LRMDA: variants seen among roughly 807,000 people sequenced by gnomAD.
LRMDA encodes leucine-rich melanocyte differentiation-associated protein.
LRMDA carries 18 observed loss-of-function variants against 29.8 expected under a neutral mutation model. The ratio of observed to expected loss-of-function variants is 0.60; its 90% confidence interval spans 0.42 to 0.90. The LOEUF is 0.90. Among genes scored for constraint, LRMDA ranks in the 40% least tolerant of loss-of-function variants. LRMDA has a pLI of 0.00. For missense variants in LRMDA, 273 were observed against 273.9 expected (o/e 1.00, Z 0.02); for synonymous variants, 125 against 109.4 (o/e 1.14, Z -0.89).
intron 5 of LRMDA, among the ~76,000 whole-genome samples, chr10:76,162,107 A>C (rs1333842833): frequency 6.6e-6 from 1 of 152,180 alleles, no homozygotes; most frequent in Non-Finnish European, 1.5e-5. Flanking sequence ...TCAATCCTGC[A>C]AGTGTTATTT....
chr10:76,019,976 C>T (rs1029201371), intron 2 of LRMDA, among the ~76,000 whole-genome samples: 1 of 152,216 alleles, frequency 6.6e-6, no homozygotes, highest in Non-Finnish European at 1.5e-5. Context: ...TTTACACAGT[C>T]TGATGTGGTC....
In LRMDA at chr10:76,540,178, A is replaced by G. The variant is rs560138665; in HGVS notation, c.602-17031A>G. Among the ~76,000 whole-genome samples the G allele has an allele frequency of 1.2e-3, 176 of 150,776 alleles. 5 individuals are homozygous for G. In the South Asian group the frequency reaches 0.035, roughly 30 times the overall value. On this transcript the variant is annotated intron_variant, in intron 6 of 6. Coordinates refer to ENST00000611255, the MANE Select transcript of LRMDA (RefSeq NM_001305581.2). ...AACACACATGCACGCAAAACATGCA[A>G]CACACATTAGTGCCTGCACACATGT...
chr10:76,313,281 G>A (rs1447190334), intron 5 of LRMDA, among the ~76,000 whole-genome samples: 1 of 152,160 alleles, frequency 6.6e-6, no homozygotes, highest in East Asian at 1.9e-4. Flanking sequence ...AGTGTTTAAC[G>A]CAGTTCTCGA....
intron 2 of LRMDA, among the ~76,000 whole-genome samples, chr10:75,802,970 A>ATTTTTTTTTTT (rs1554826738): frequency 7.8e-6 from 1 of 128,234 alleles, no homozygotes; most frequent in African/African-American, 3.2e-5. Flanking sequence ...ATATATATAT[A>ATTTTTTTTTTT]TATTTTTTTT....
intron 2 of LRMDA, among the ~76,000 whole-genome samples, chr10:75,769,022 G>A (rs1411123122): frequency 6.6e-6 from 1 of 152,188 alleles, no homozygotes; most frequent in Admixed American, 6.5e-5. Flanking sequence ...ATGGGAGCTG[G>A]AACCCATCAG....
chr10:75,441,317 C>T (rs1285283625), intron 2 of LRMDA, among the ~76,000 whole-genome samples: 2 of 152,230 alleles, frequency 1.3e-5, no homozygotes, highest in Non-Finnish European at 2.9e-5. Flanking sequence ...ACCCGGCACA[C>T]CGCAGCTCCC....
At chr10:76,549,101 C>T (rs1026081107) in intron 6 of LRMDA, among the ~76,000 whole-genome samples, 2 of 152,122 alleles carry the variant, frequency 1.3e-5, no homozygotes, top group South Asian at 2.1e-4. Context: ...CTTTCCTTCC[C>T]CACCTCCCCT....
chr10:76,376,199 A>G (rs2132464769), intron 6 of LRMDA, among the ~76,000 whole-genome samples: 1 of 152,200 alleles, frequency 6.6e-6, no homozygotes, highest in South Asian at 2.1e-4. Flanking sequence ...CATTTTGTAT[A>G]TCTATGCGTA....
At chr10:76,104,571 C>T (rs2132106238) in intron 5 of LRMDA, among the ~76,000 whole-genome samples, 1 of 152,150 alleles carries the variant, frequency 6.6e-6, no homozygotes, top group African/African-American at 2.4e-5. Context: ...CTGGGTCTCA[C>T]CGTGTGTCTT....
At chr10:75,696,033 A>T (rs1208982642) in intron 2 of LRMDA, among the ~76,000 whole-genome samples, 1 of 152,216 alleles carries the variant, frequency 6.6e-6, no homozygotes, top group African/African-American at 2.4e-5. Context: ...ACAAAAAGAT[A>T]AGATTAAAAA....
At chr10:76,523,400 T>G (rs2132364336) in intron 6 of LRMDA, among the ~76,000 whole-genome samples, 1 of 152,268 alleles carries the variant, frequency 6.6e-6, no homozygotes, top group South Asian at 2.1e-4. Context: ...GGCTTACCTC[T>G]TCCCTCAGGA....
At chr10:76,221,228 C>G (rs372489677) in intron 5 of LRMDA, among the ~76,000 whole-genome samples, 2 of 152,240 alleles carry the variant, frequency 1.3e-5, no homozygotes, top group East Asian at 1.9e-4. Flanking sequence ...GGGATGCCCT[C>G]TCTCACCACT....
intron 6 of LRMDA, among the ~76,000 whole-genome samples, chr10:76,383,179 C>T (rs7071892): frequency 0.29 from 44,628 of 151,988 alleles, 9,973 homozygotes; most frequent in African/African-American, 0.62. Context: ...CTGAAGACAG[C>T]GGGCATTACT....
intron 5 of LRMDA, among the ~76,000 whole-genome samples, chr10:76,080,193 G>A (rs1849026719): frequency 6.6e-6 from 1 of 152,092 alleles, no homozygotes; most frequent in Non-Finnish European, 1.5e-5. Context: ...GCCCAACTCA[G>A]ATTCTGTCCT....
At position 76,048,181 on chromosome 10, in the gene LRMDA, T is replaced by G. The variant is rs141290642; in HGVS notation, c.398+878T>G. Reference sequence around the variant, plus strand: ...TAAAAATAACTTAATAAATTTTGTATATGTATATATGCATATATACATATA... The same window carrying G: ...TAAAAATAACTTAATAAATTTTGTAGATGTATATATGCATATATACATATA... On this transcript the variant is annotated intron_variant, in intron 4 of 6. Coordinates refer to ENST00000611255, the MANE Select transcript of LRMDA (RefSeq NM_001305581.2). 8.8e-3 allele frequency among the ~76,000 whole-genome samples: 1,340 copies of G among 152,332 alleles called. 21 individuals carry two copies. Among genetic ancestry groups the G allele is most frequent in the African/African-American group, 0.029 (1,196 of 41,562 alleles).
chr10:76,276,041 C>G (rs1008144213), intron 5 of LRMDA, among the ~76,000 whole-genome samples: 1 of 148,284 alleles, frequency 6.7e-6, no homozygotes, highest in Non-Finnish European at 1.5e-5. Flanking sequence ...ATCTATCTAT[C>G]TATCTATCTA....
chr10:75,580,150 C>T (rs1564805949), intron 2 of LRMDA, among the ~76,000 whole-genome samples: 1 of 152,170 alleles, frequency 6.6e-6, no homozygotes, highest in Admixed American at 6.5e-5. Context: ...TTGCAGATGA[C>T]ATGATTGTAC....
At chr10:75,552,045 C>T (rs1188461144) in intron 2 of LRMDA, among the ~76,000 whole-genome samples, 1 of 146,804 alleles carries the variant, frequency 6.8e-6, no homozygotes, top group East Asian at 1.9e-4. Flanking sequence ...ACTGCCTAGG[C>T]AACAGAGTTA....
intron 2 of LRMDA, among the ~76,000 whole-genome samples, chr10:75,791,575 C>T (rs1486496568): frequency 6.6e-6 from 1 of 152,150 alleles, no homozygotes; most frequent in Non-Finnish European, 1.5e-5. Context: ...CTGTTTTCTC[C>T]ACAGAAAAGT....
Sources: gnomAD v4.1 joint callset for allele counts (sites outside exome capture counted in the v4.1 genomes callset) on GRCh38, gnomAD v4.1.1 for gene constraint, MANE v1.5 for transcripts, NCBI Gene and HGNC (gene_info 2026-07-23, HGNC 2026-07-21) for gene names.